VRK2: variants seen among roughly 807,000 people sequenced by gnomAD.
VRK2 encodes the protein VRK serine/threonine kinase 2, also known as serine/threonine-protein kinase VRK2.
A neutral mutation model predicts 57.6 loss-of-function variants in VRK2; 60 were observed. The ratio of observed to expected loss-of-function variants is 1.04; its 90% CI spans 0.85 to 1.29. VRK2 has a LOEUF of 1.29. Among genes scored for constraint, VRK2 ranks in the 50% most tolerant of loss-of-function variants. The probability of loss-of-function intolerance (pLI) is 0.00; values close to 1 mark genes in which losing one functional copy is unlikely to be tolerated. For synonymous variants in VRK2, 231 were observed against 199.2 expected (o/e 1.16, Z -1.35); for missense variants, 705 against 588.1 (o/e 1.20, Z -2.06).
At chr2:58,044,788 G>T (rs1380207715), upstream of VRK2, among the ~76,000 whole-genome samples, 1 of 152,226 alleles carries the variant, frequency 6.6e-6, no homozygotes, top group Non-Finnish European at 1.5e-5. Flanking sequence ...GTTGAAGAGA[G>T]TAATAGGACA....
In VRK2 at chr2:57,981,023, C is replaced by G. The variant is rs567535404; in HGVS notation, c.-438-44642C>G. Among the ~76,000 whole-genome samples the G allele has an allele frequency of 3.7e-3, 567 of 152,244 alleles. 6 individuals carry two copies. Among genetic ancestry groups the G allele is most frequent in the African/African-American group, 0.013 (545 of 41,542 alleles). On this transcript the variant is annotated intron_variant, in intron 1 of 15. Coordinates refer to the VRK2 transcript ENST00000417641. ...TCTTTTAAGTGAAGCACTTAGCCCA[C>G]TTACATTCAAAGTTAATATTGACAT... is the stretch of plus-strand genomic sequence containing the variant.
intron 1 of VRK2, among the ~76,000 whole-genome samples, chr2:57,939,449 C>T (rs1029555829): frequency 8.5e-5 from 13 of 152,108 alleles, no homozygotes; most frequent in Admixed American, 6.5e-4. Flanking sequence ...ATAAAACAGA[C>T]ACATTACTTT....
chr2:58,054,211 T>A (rs1190641971), intron 2 of VRK2, among the ~76,000 whole-genome samples: 1 of 152,116 alleles, frequency 6.6e-6, no homozygotes, highest in Non-Finnish European at 1.5e-5. Flanking sequence ...TTCATTTTTT[T>A]AAATATCCAT....
At chr2:57,983,049 T>C (rs1375774939) in intron 1 of VRK2, among the ~76,000 whole-genome samples, 1 of 152,192 alleles carries the variant, frequency 6.6e-6, no homozygotes, top group Admixed American at 6.5e-5. Flanking sequence ...AAATGAATCC[T>C]GACACTGGGC....
intron 1 of VRK2, among the ~76,000 whole-genome samples, chr2:57,955,610 T>G (rs1671563039): frequency 6.6e-6 from 1 of 152,052 alleles, no homozygotes; most frequent in African/African-American, 2.4e-5. Context: ...AACTACAAAT[T>G]ATCAAAAAAC....
intron 7 of VRK2, among the ~76,000 whole-genome samples, chr2:58,117,965 A>G (rs1426209199): frequency 6.6e-6 from 1 of 152,098 alleles, no homozygotes; most frequent in Non-Finnish European, 1.5e-5. Context: ...GGGTTGGGGC[A>G]TGGAAATAAG....
chr2:58,064,298 A>G (rs1044448359), intron 2 of VRK2, among the ~76,000 whole-genome samples: 2 of 152,094 alleles, frequency 1.3e-5, no homozygotes, highest in Non-Finnish European at 2.9e-5. Flanking sequence ...CTTTTGTGAG[A>G]GCGAGAGTCA....
intron 10 of VRK2, among the ~76,000 whole-genome samples, chr2:58,138,629 G>T (rs1680885025): frequency 6.6e-6 from 1 of 152,148 alleles, no homozygotes; most frequent in Non-Finnish European, 1.5e-5. Flanking sequence ...TTGAGTGGAG[G>T]TAGGCCTAGA....
rs528331515 is a variant in VRK2, at chr2:57,974,963, G to A, written c.-438-50702G>A. On this transcript the variant is annotated intron_variant, in intron 1 of 15. Transcript: ENST00000417641. Reference sequence around the variant, plus strand: ...TCTCATAGGTTTGAGAGATCAGGTAGGCTATACAAATTGATAAAGATAATT... The same window carrying A: ...TCTCATAGGTTTGAGAGATCAGGTAAGCTATACAAATTGATAAAGATAATT... Among the ~76,000 whole-genome samples, 30 of 151,604 alleles carry A rather than the reference G, an allele frequency of 2.0e-4. No individual in the cohort carries two copies. In the South Asian group the frequency reaches 5.8e-3, roughly 30 times the overall value.
intron 9 of VRK2, among the ~76,000 whole-genome samples, chr2:58,132,330 T>C (rs1486606807): frequency 6.6e-6 from 1 of 152,222 alleles, no homozygotes; most frequent in African/African-American, 2.4e-5. Flanking sequence ...ATAGGGCTTA[T>C]ATTTTTCAAG....
chr2:58,075,037 C>G lies in VRK2; in HGVS notation c.137-9052C>G, dbSNP rs139715866. On this transcript the variant is annotated intron_variant, in intron 2 of 12. Transcript: ENST00000340157. The stretch of plus-strand genomic sequence containing the variant: ...ATTAGGTAGTTTTTCAGTGCTCACC[C>G]TTCTCCTACCCTATACCCTTAAGTA... Among the ~76,000 whole-genome samples the G allele has an allele frequency of 4.2e-3, 643 of 152,174 alleles. 7 individuals are homozygous for G. The highest frequency in any genetic ancestry group is 0.015 in the African/African-American group (611 of 41,542).
intron 1 of VRK2, among the ~76,000 whole-genome samples, chr2:58,023,595 C>T (rs894069607): frequency 9.3e-5 from 14 of 150,660 alleles, no homozygotes; most frequent in African/African-American, 3.2e-4. Flanking sequence ...CTAAAAATTG[C>T]TAACAAATTA....
At chr2:57,964,717 C>A (rs1671860390) in intron 1 of VRK2, among the ~76,000 whole-genome samples, 1 of 151,862 alleles carries the variant, frequency 6.6e-6, no homozygotes, top group Non-Finnish European at 1.5e-5. Context: ...GAAACCCAGT[C>A]TCTACTAAAA....
chr2:58,117,391 G>A (rs551685477), intron 7 of VRK2, among the ~76,000 whole-genome samples: 25 of 152,202 alleles, frequency 1.6e-4, no homozygotes, highest in Non-Finnish European at 2.2e-4. Flanking sequence ...GAGGGGAGGC[G>A]ATAAAAAGAT....
At chr2:58,103,718 G>A (rs1254726444) in intron 7 of VRK2, among the ~76,000 whole-genome samples, 1 of 151,536 alleles carries the variant, frequency 6.6e-6, no homozygotes, top group African/African-American at 2.4e-5. Flanking sequence ...AAAAATCAAG[G>A]AAGAGGAAAT....
chr2:58,005,393 T>C (rs1447672268), intron 1 of VRK2, among the ~76,000 whole-genome samples: 2 of 152,114 alleles, frequency 1.3e-5, no homozygotes, highest in African/African-American at 4.8e-5. Flanking sequence ...AATTTCTTAC[T>C]CTAGCACTTT....
chr2:58,139,275 A>G (rs1042422829), intron 10 of VRK2, among the ~76,000 whole-genome samples: 2 of 152,130 alleles, frequency 1.3e-5, no homozygotes, highest in African/African-American at 4.8e-5. Context: ...ATAATAAGTA[A>G]CACTTTAACT....
At chr2:58,118,976 G>C (rs1382691483) in intron 7 of VRK2, among the ~76,000 whole-genome samples, 1 of 152,144 alleles carries the variant, frequency 6.6e-6, no homozygotes, top group Non-Finnish European at 1.5e-5. Context: ...TTAAGGTGGG[G>C]CAGGAACAAA....
At chr2:58,082,485 C>T (rs1399271810) in intron 2 of VRK2, among the ~76,000 whole-genome samples, 1 of 151,772 alleles carries the variant, frequency 6.6e-6, no homozygotes, top group Non-Finnish European at 1.5e-5. Context: ...TTATGTGGGC[C>T]AAGGTTGGAA....
Sources: gnomAD v4.1 joint callset for allele counts (sites outside exome capture counted in the v4.1 genomes callset) on GRCh38, gnomAD v4.1.1 for gene constraint, MANE v1.5 for transcripts, NCBI Gene and HGNC (gene_info 2026-07-23, HGNC 2026-07-21) for gene names.